Variants in UNC5D observed in about 807,000 individuals in gnomAD.
UNC5D encodes the protein netrin receptor UNC5D.
Under a neutral mutation model 105.4 loss-of-function variants are expected in UNC5D, and 39 were observed. The ratio of observed to expected loss-of-function variants is 0.37; its 90% CI spans 0.29 to 0.48. The LOEUF (loss-of-function observed/expected upper bound fraction) is 0.48, where lower values mean the gene tolerates loss of function less well. Ranked by LOEUF, UNC5D falls within the 20% of genes least tolerant of loss-of-function variation. The pLI, the probability that UNC5D is intolerant of heterozygous loss-of-function variation, is 0.98. For missense variants in UNC5D, 991 were observed against 1,202.4 expected (o/e 0.82, Z 2.60); for synonymous variants, 452 against 450.4 (o/e 1.00, Z -0.04).
intron 1 of UNC5D, among the ~76,000 whole-genome samples, chr8:35,343,253 T>C (rs142961457): frequency 5.9e-5 from 9 of 152,232 alleles, no homozygotes; most frequent in African/African-American, 1.9e-4. Context: ...GTCTCAGATT[T>C]GTATAATAGA....
chr8:35,265,279 G>A (rs1804781691), intron 1 of UNC5D, among the ~76,000 whole-genome samples: 1 of 152,102 alleles, frequency 6.6e-6, no homozygotes, highest in South Asian at 2.1e-4. Flanking sequence ...GGTGTGTTAT[G>A]CTAGGTCTTT....
intron 4 of UNC5D, among the ~76,000 whole-genome samples, chr8:35,630,053 G>T (rs560363276): frequency 3.3e-5 from 5 of 152,060 alleles, no homozygotes; most frequent in Non-Finnish European, 7.4e-5. Flanking sequence ...TGATATTTAC[G>T]CATGGAAAAG....
chr8:35,374,767 G>A (rs1802603136), intron 1 of UNC5D, among the ~76,000 whole-genome samples: 1 of 152,210 alleles, frequency 6.6e-6, no homozygotes, highest in Non-Finnish European at 1.5e-5. Context: ...GTGACAATTT[G>A]GAGTTATAGA....
chr8:35,552,898 C>A (rs1036783792), intron 2 of UNC5D, among the ~76,000 whole-genome samples: 1 of 152,122 alleles, frequency 6.6e-6, no homozygotes, highest in Non-Finnish European at 1.5e-5. Flanking sequence ...ACCATATAAG[C>A]AAAAGGCTAC....
chr8:35,657,701 G>A lies in UNC5D; in HGVS notation c.571-25846G>A, dbSNP rs567990336. On this transcript the variant is annotated intron_variant, in intron 4 of 16. Coordinates refer to ENST00000404895, the MANE Select transcript of UNC5D (RefSeq NM_080872.4). ...GAATTTTGTTATATTGCACAACCTG[G>A]TCTCAAACTTATGACCTCAAGTGAT... Among the ~76,000 whole-genome samples, 15 of 152,184 alleles carry A rather than the reference G, an allele frequency of 9.9e-5. No individual in the cohort carries two copies. In the East Asian group the frequency reaches 2.9e-3, roughly 29 times the overall value.
At chr8:35,386,315 T>C (rs1055980155) in intron 1 of UNC5D, among the ~76,000 whole-genome samples, 1 of 152,184 alleles carries the variant, frequency 6.6e-6, no homozygotes, top group Non-Finnish European at 1.5e-5. Flanking sequence ...TAGAGAAACA[T>C]GGTATTTCTT....
At chr8:35,256,270 A>C (rs1804067614) in intron 1 of UNC5D, 1 of 152,178 alleles carries the variant, frequency 6.6e-6, no homozygotes, top group African/African-American at 2.4e-5. Context: ...GAGTGGATGA[A>C]TAGGTACCAA....
chr8:35,265,902 A>G (rs1349530018), intron 1 of UNC5D, among the ~76,000 whole-genome samples: 1 of 119,776 alleles, frequency 8.3e-6, no homozygotes, highest in Non-Finnish European at 1.9e-5. Context: ...AATAATAATA[A>G]TAATATATCT....
chr8:35,595,460 T>A, intron 3 of UNC5D, 94 bp from the exon 4 acceptor site: 1 of 967,848 alleles, frequency 1.0e-6, no homozygotes, highest in East Asian at 2.4e-5. Flanking sequence ...TGTGTCTAGG[T>A]TGTGATATTA....
intron 1 of UNC5D, among the ~76,000 whole-genome samples, chr8:35,475,125 T>C (rs1250810783): frequency 6.6e-6 from 1 of 151,188 alleles, no homozygotes; most frequent in African/African-American, 2.4e-5. Flanking sequence ...TGTTTTGTTT[T>C]ACTTGCTTTG....
rs114226088 is a variant in UNC5D, at chr8:35,462,277, T to C, written c.104-87015T>C. On this transcript the variant is annotated intron_variant, in intron 1 of 16. Coordinates refer to ENST00000404895, the MANE Select transcript of UNC5D (RefSeq NM_080872.4). ...GCTCAAATATTTTAAACTGCACTTA[T>C]AAATTTAATATATTCTATTTTCTCT... 4.1e-3 allele frequency among the ~76,000 whole-genome samples: 627 copies of C among 152,234 alleles called. 7 individuals are homozygous for C. Among genetic ancestry groups the C allele is most frequent in the African/African-American group, 0.014 (602 of 41,564 alleles).
Position 35,684,763 on chromosome 8 carries a change from A to G in UNC5D, c.919+14A>G. ...CTCTTTGTCCTGGTGAGATATATGC[A>G]GATTCCCTTTTCCCTTCTGATCCAC... On this transcript the variant is annotated intron_variant, in intron 6 of 16. Transcript: ENST00000404895. 2 of 1,595,220 alleles carry G rather than the reference A, an allele frequency of 1.3e-6. No individual in the cohort carries two copies. Among genetic ancestry groups the G allele is most frequent in the Non-Finnish European group, 1.7e-6 (2 of 1,170,510 alleles).
chr8:35,675,565 G>C (rs554498354), intron 4 of UNC5D, among the ~76,000 whole-genome samples: 2 of 152,258 alleles, frequency 1.3e-5, no homozygotes, highest in East Asian at 3.9e-4. Context: ...AATCCCAAGA[G>C]AGAGGGCTGG....
intron 11 of UNC5D, among the ~76,000 whole-genome samples, chr8:35,745,086 C>CT (rs570528457): frequency 6.0e-4 from 91 of 152,028 alleles, no homozygotes; most frequent in African/African-American, 2.0e-3. Context: ...CCTCAAGGAG[C>CT]TTACATTCTA....
intron 1 of UNC5D, among the ~76,000 whole-genome samples, chr8:35,439,790 T>G (rs1393103496): frequency 6.6e-6 from 1 of 152,052 alleles, no homozygotes. Flanking sequence ...AAAGTCATCT[T>G]CTAAATATGG....
chr8:35,564,059 G>A, intron 2 of UNC5D, among the ~76,000 whole-genome samples: 1 of 152,170 alleles, frequency 6.6e-6, no homozygotes, highest in South Asian at 2.1e-4. Flanking sequence ...TTGACATGTA[G>A]TTTTGTTGTT....
Position 35,568,328 on chromosome 8 carries a change from C to G in UNC5D, c.466+87C>G, listed in dbSNP as rs1247454200. 5 of 1,485,552 alleles carry G rather than the reference C, an allele frequency of 3.4e-6. No individual in the cohort carries two copies. The East Asian group carries it at 1.2e-4, about 34-fold the overall frequency. 92.0% of individuals were successfully genotyped at this position (1,485,552 alleles called of 1,614,324 possible). A position where few individuals can be genotyped will look rare whatever the true frequency, so the allele number is the denominator to read the frequency against. Reference sequence around the variant, plus strand: ...AGAGAGGTTTTACAGATGTCAGATGCTTCTACAGAATGTAAATGAGAGGTC... The same window carrying G: ...AGAGAGGTTTTACAGATGTCAGATGGTTCTACAGAATGTAAATGAGAGGTC... On this transcript the variant is annotated intron_variant, in intron 3 of 16. Coordinates refer to ENST00000404895, the MANE Select transcript of UNC5D (RefSeq NM_080872.4).
In UNC5D at chr8:35,675,525, GAAC is replaced by G. The variant is rs1307603446; in HGVS notation, c.571-8018_571-8016del. Among the ~76,000 whole-genome samples, 10 of 152,224 alleles carry G rather than the reference GAAC, an allele frequency of 6.6e-5. No homozygotes were observed. The East Asian group carries it at 1.9e-3, about 29-fold the overall frequency. The stretch of plus-strand genomic sequence containing the variant: ...CTGAGGTTGCATCTATAATATATAT[GAAC>G]AACTCCATTTGATACTGAGTCTACC... On this transcript the variant is annotated intron_variant, in intron 4 of 16. Transcript: ENST00000404895.
In UNC5D at chr8:35,790,955, G is replaced by C. The variant is rs925123111; in HGVS notation, c.*392G>C. On this transcript the variant is annotated 3_prime_UTR_variant, in exon 17 of 17. Coordinates refer to ENST00000404895, the MANE Select transcript of UNC5D (RefSeq NM_080872.4). ...GTGCCCCAAAGGGCCAGCTGATTCT[G>C]GTACTAGATTGTCAGAGTTTTCTAC... is the stretch of plus-strand genomic sequence containing the variant. The C allele has an allele frequency of 3.0e-5, 6 of 199,118 alleles. No individual in the cohort carries two copies. Among genetic ancestry groups the C allele is most frequent in the African/African-American group, 1.4e-4 (6 of 43,516 alleles). The allele number at this position is 199,118 out of a possible 1,614,324, so 12.3% of individuals were successfully genotyped here. A position where few individuals can be genotyped will look rare whatever the true frequency, so the allele number is the denominator to read the frequency against.
Sources: gnomAD v4.1 joint callset for allele counts (sites outside exome capture counted in the v4.1 genomes callset) on GRCh38, gnomAD v4.1.1 for gene constraint, MANE v1.5 for transcripts, NCBI Gene and HGNC (gene_info 2026-07-23, HGNC 2026-07-21) for gene names.